The following TRMT44 variants were observed in gnomAD, a reference collection of about 807,000 sequenced individuals.
The protein encoded by TRMT44 is tRNA methyltransferase 44 homolog, also known as probable tRNA (uracil-O(2)-)-methyltransferase.
In TRMT44, 78 loss-of-function variants were observed where a neutral mutation model predicts 77.3. The ratio of observed to expected loss-of-function variants is 1.01; its 90% confidence interval spans 0.84 to 1.22. The LOEUF (loss-of-function observed/expected upper bound fraction) is 1.22, where lower values mean the gene tolerates loss of function less well. Among genes scored for constraint, TRMT44 ranks in the 50% most tolerant of loss-of-function variants. TRMT44 has a pLI of 0.00. For missense variants in TRMT44, 1,090 were observed against 964.4 expected (o/e 1.13, Z -1.73); for synonymous variants, 391 against 383.3 (o/e 1.02, Z -0.23).
At position 8,475,996 on chromosome 4, in the gene TRMT44, T is replaced by G. The variant is rs1382979507; in HGVS notation, c.2269T>G (p.Ser757Ala). 3.1e-6 allele frequency: 5 copies of G among 1,613,660 alleles called. No individual in the cohort carries two copies. The Admixed American group carries it at 5.0e-5, about 16-fold the overall frequency. Residue 757 changes from serine to alanine, a missense_variant, in exon 11 of 11, where the codon TCA becomes GCA. Transcript: ENST00000389737. ...CCGGACCACCCCGAGGAAGAAGATT[T>G]CATGAGCTGCATCCTTGCCAGCCGA... ...PPRTTPRKKIS is the reference protein window; with the variant it reads ...PPRTTPRKKIA
intron 10 of TRMT44, among the ~76,000 whole-genome samples, chr4:8,474,578 T>C (rs1727241934): frequency 6.6e-6 from 1 of 152,232 alleles, no homozygotes; most frequent in Non-Finnish European, 1.5e-5. Context: ...GGCTCGTTAT[T>C]GCCACACACA....
At chr4:8,472,373 G>A (rs1727064481) in intron 10 of TRMT44, among the ~76,000 whole-genome samples, 1 of 152,222 alleles carries the variant, frequency 6.6e-6, no homozygotes, top group Admixed American at 6.5e-5. Context: ...GAAAAGGACT[G>A]GGCCTCTGAT....
chr4:8,492,967 G>C (rs1048643055), intron 2 of TRMT44, among the ~76,000 whole-genome samples: 2 of 152,194 alleles, frequency 1.3e-5, no homozygotes, highest in African/African-American at 4.8e-5. Flanking sequence ...ACTTCCTGAG[G>C]CTGTGTCACG....
At position 8,440,846 on chromosome 4, in the gene TRMT44, G is replaced by A; in HGVS notation, c.24G>A (p.Gly8=). 2 of 1,509,356 alleles carry A rather than the reference G, an allele frequency of 1.3e-6. No homozygotes were observed. Among genetic ancestry groups the A allele is most frequent in the Non-Finnish European group, 8.8e-7 (1 of 1,134,918 alleles). The allele number at this position is 1,509,356 out of a possible 1,614,324, so 93.5% of individuals were successfully genotyped here. Residue 8 remains glycine, a synonymous_variant, in exon 1 of 11, where the codon GGG becomes GGA. Transcript: ENST00000389737. The stretch of plus-strand genomic sequence containing the variant: ...CCATGGCTGAGGTGGGCCGTACCGG[G>A]ATCAGCTACCCAGGCGCGCTTCTCC... MAEVGRT[G]ISYPGALLPQ...
At chr4:8,467,176 C>G (rs1198754014) in intron 8 of TRMT44, among the ~76,000 whole-genome samples, 1 of 152,248 alleles carries the variant, frequency 6.6e-6, no homozygotes, top group African/African-American at 2.4e-5. Context: ...CACTCGCTGG[C>G]TCTGGCAAGG....
intron 2 of TRMT44, among the ~76,000 whole-genome samples, chr4:8,488,599 G>T (rs1727893424): frequency 6.6e-6 from 1 of 152,220 alleles, no homozygotes; most frequent in Non-Finnish European, 1.5e-5. Flanking sequence ...TTAAGGTGGG[G>T]CAGGGCATTT....
intron 2 of TRMT44, among the ~76,000 whole-genome samples, chr4:8,488,626 T>C (rs1192431987): frequency 1.3e-5 from 2 of 152,238 alleles, no homozygotes; most frequent in African/African-American, 4.8e-5. Flanking sequence ...CTTTTGTGAT[T>C]CTTCAGTTAC....
the TRMT44 span, among the ~76,000 whole-genome samples, chr4:8,502,540 G>A: frequency 1.4e-4 from 21 of 152,328 alleles, no homozygotes; most frequent in South Asian, 8.3e-4. Flanking sequence ...GGTCTCAGCC[G>A]AGGCTCAGCT....
the TRMT44 span, among the ~76,000 whole-genome samples, chr4:8,511,642 C>T: frequency 9.6e-4 from 146 of 151,990 alleles, 1 homozygote; most frequent in South Asian, 0.017. Flanking sequence ...ATTTGGAATT[C>T]GGCTCAATCA....
downstream of TRMT44, among the ~76,000 whole-genome samples, chr4:8,497,925 G>T (rs34465110): frequency 0.09 from 13,645 of 152,202 alleles, 690 homozygotes; most frequent in Non-Finnish European, 0.12. Flanking sequence ...GCTGGCGTGG[G>T]GGGGGCTGGG....
intron 2 of TRMT44, among the ~76,000 whole-genome samples, chr4:8,482,989 GA>G (rs1446613552): frequency 6.6e-6 from 1 of 152,162 alleles, no homozygotes; most frequent in Non-Finnish European, 1.5e-5. Flanking sequence ...TGGGAACCTA[GA>G]GTGGGAGAGA....
At chr4:8,503,779 C>T in the TRMT44 span, among the ~76,000 whole-genome samples, 1 of 152,226 alleles carries the variant, frequency 6.6e-6, no homozygotes, top group Non-Finnish European at 1.5e-5. Context: ...CCTATGTCCC[C>T]GCATCTCTGG....
intron 10 of TRMT44, among the ~76,000 whole-genome samples, chr4:8,475,313 C>T (rs1215440357): frequency 1.3e-5 from 2 of 152,230 alleles, no homozygotes; most frequent in Non-Finnish European, 2.9e-5. Context: ...CCTTCCTCCA[C>T]TCAAGTGATC....
Position 8,463,993 on chromosome 4 carries a change from A to C in TRMT44, c.1212A>C (p.Ala404=). 6.2e-7 allele frequency: 1 copy of C among 1,613,638 alleles called. No individual in the cohort carries two copies. Among genetic ancestry groups the C allele is most frequent in the African/African-American group, 1.3e-5 (1 of 75,026 alleles). The change falls in exon 7 of 11, where the codon GCA becomes GCC. Residue 404 remains alanine, a synonymous_variant. Coordinates refer to ENST00000389737, the MANE Select transcript of TRMT44 (RefSeq NM_152544.3). ...YGPQTQLEED[A]ITPNDKTLFP... ...TTTTGTTATTCCTTTAGGAAGATGCAATCACACCCAATGATAAGACCCTTT... is the reference window on the plus strand; with the variant it reads ...TTTTGTTATTCCTTTAGGAAGATGCCATCACACCCAATGATAAGACCCTTT...
chr4:8,468,844 T>TGA (rs1726787419), intron 9 of TRMT44, among the ~76,000 whole-genome samples: 1 of 152,092 alleles, frequency 6.6e-6, no homozygotes, highest in Non-Finnish European at 1.5e-5. Context: ...TGTTCTCAGG[T>TGA]GAGTGGTGTG....
chr4:8,513,331 C>T, the TRMT44 span, among the ~76,000 whole-genome samples: 2 of 152,170 alleles, frequency 1.3e-5, no homozygotes, highest in African/African-American at 4.8e-5. Flanking sequence ...TTTTTAGAAC[C>T]ATCAGATCTC....
In TRMT44 at chr4:8,463,574, C is replaced by G. The variant is rs114624929; in HGVS notation, c.1204-411C>G. On this transcript the variant is annotated intron_variant, in intron 6 of 10. Transcript: ENST00000389737. ...TTAGACCCCTGTGTTGTATTACGCC[C>G]TTAAATCACCTTCAGACCTCTCTGC... 8.9e-3 allele frequency among the ~76,000 whole-genome samples: 1,361 copies of G among 152,346 alleles called. 19 individuals are homozygous for G. The highest frequency in any genetic ancestry group is 0.031 in the African/African-American group (1,307 of 41,572).
intron 7 of TRMT44, among the ~76,000 whole-genome samples, 200 bp downstream of exon 7, chr4:8,464,291 A>G (rs558711793): frequency 6.6e-6 from 1 of 152,352 alleles, no homozygotes; most frequent in South Asian, 2.1e-4. Context: ...TTTACCTTTT[A>G]AAATATGACT....
rs913596735 is a variant in TRMT44 at position 8,444,510 on chromosome 4, A to G, written c.620-1966A>G. On this transcript the variant is annotated intron_variant, in intron 1 of 10. Coordinates refer to ENST00000389737, the MANE Select transcript of TRMT44 (RefSeq NM_152544.3). The surrounding 1 kb of genome is among the most constrained non-coding windows in gnomAD (Gnocchi z 4.0). ...CCTCCTGGGTTCGAGCGATTCTCCT[A>G]ACTTAGCCTCCCAAGCAGCTGGGAT... is the stretch of plus-strand genomic sequence containing the variant. 3.3e-5 allele frequency among the ~76,000 whole-genome samples: 5 copies of G among 151,174 alleles called. No homozygotes were observed. Among genetic ancestry groups the G allele is most frequent in the Admixed American group, 2.0e-4 (3 of 15,152 alleles).
Sources: allele counts gnomAD v4.1 joint callset (sites outside exome capture counted in the v4.1 genomes callset), GRCh38; gene constraint gnomAD v4.1.1; non-coding constraint Gnocchi (gnomAD v3.1); transcripts MANE v1.5; gene names NCBI Gene and HGNC (gene_info 2026-07-23, HGNC 2026-07-21).